The following ACAP2 variants were observed in gnomAD, a reference collection of about 807,000 sequenced individuals.
The protein encoded by ACAP2 is arf-GAP with coiled-coil, ANK repeat and PH domain-containing protein 2.
ACAP2 carries 39 observed loss-of-function variants against 115.8 expected under a neutral mutation model. The ratio of observed to expected loss-of-function variants is 0.34; its 90% CI spans 0.26 to 0.44. The LOEUF (loss-of-function observed/expected upper bound fraction) is 0.44, where lower values mean the gene tolerates loss of function less well. Among genes scored for constraint, ACAP2 ranks in the 20% least tolerant of loss-of-function variants. ACAP2 has a pLI of 1.00. For synonymous variants in ACAP2, 289 were observed against 315.8 expected, an observed-to-expected ratio of 0.92 and a Z score of 0.90; for missense variants, 662 against 927.6, an observed-to-expected ratio of 0.71 and a Z score of 3.72.
intron 1 of ACAP2, 91 bp downstream of exon 1, chr3:195,442,704 G>A (rs905358298): frequency 4.4e-6 from 6 of 1,359,932 alleles, no homozygotes; most frequent in Non-Finnish European, 5.0e-6. Flanking sequence ...AGCGGACGGC[G>A]GGGCCTCCTC....
chr3:195,296,530 T>TA (rs1269566001), intron 16 of ACAP2, among the ~76,000 whole-genome samples: 1 of 152,188 alleles, frequency 6.6e-6, no homozygotes, highest in African/African-American at 2.4e-5. Context: ...GATTCTGATT[T>TA]AAATGGTATT....
intron 2 of ACAP2, among the ~76,000 whole-genome samples, chr3:195,384,680 T>C (rs1028320152): frequency 2.6e-5 from 4 of 151,856 alleles, no homozygotes; most frequent in African/African-American, 9.7e-5. Flanking sequence ...TGAGCTGAGA[T>C]CATGCCACTG....
intron 4 of ACAP2, among the ~76,000 whole-genome samples, chr3:195,368,940 T>A (rs892567703): frequency 6.6e-6 from 1 of 152,084 alleles, no homozygotes; most frequent in Non-Finnish European, 1.5e-5. Flanking sequence ...AAAAATTAGC[T>A]GGGCATGGCG....
At chr3:195,410,764 T>C (rs140440138) in intron 1 of ACAP2, 2 of 153,750 alleles carry the variant, frequency 1.3e-5, no homozygotes, top group South Asian at 1.9e-4. Flanking sequence ...TTGATCTCCA[T>C]TGTCACAGTA....
chr3:195,441,677 T>C (rs1313472940), intron 1 of ACAP2: 3 of 152,266 alleles, frequency 2.0e-5, no homozygotes, highest in African/African-American at 7.2e-5. Context: ...CACACGCCAG[T>C]GCTCAGAGGA....
At chr3:195,284,492 C>T (rs1726717386) in intron 22 of ACAP2, among the ~76,000 whole-genome samples, 1 of 152,156 alleles carries the variant, frequency 6.6e-6, no homozygotes, top group African/African-American at 2.4e-5. Flanking sequence ...CCATAGGATT[C>T]AAGTGGGACA....
At chr3:195,416,521 T>C (rs1023854152) in intron 1 of ACAP2, among the ~76,000 whole-genome samples, 7 of 152,130 alleles carry the variant, frequency 4.6e-5, no homozygotes, top group African/African-American at 1.7e-4. Flanking sequence ...TGTATACTGA[T>C]ATAACACCTT....
intron 5 of ACAP2, among the ~76,000 whole-genome samples, chr3:195,344,026 T>C (rs13072826): frequency 0.46 from 70,233 of 151,944 alleles, 17,714 homozygotes; most frequent in Middle Eastern, 0.68. Flanking sequence ...CTCAGCAACA[T>C]AGTGAGACTT....
chr3:195,381,836 T>A (rs1282180241), intron 3 of ACAP2, 67 bp downstream of exon 3: 19 of 1,525,816 alleles, frequency 1.2e-5, no homozygotes, highest in Non-Finnish European at 1.7e-5. Context: ...GGTAGATGAA[T>A]GCACAATTCT....
intron 4 of ACAP2, among the ~76,000 whole-genome samples, chr3:195,354,114 T>C (rs1731793589): frequency 6.6e-6 from 1 of 152,230 alleles, no homozygotes; most frequent in Admixed American, 6.5e-5. Context: ...GTTCCTGTGT[T>C]AGTCTGCTAA....
At chr3:195,388,233 T>G (rs536403212) in intron 2 of ACAP2, among the ~76,000 whole-genome samples, 7 of 152,118 alleles carry the variant, frequency 4.6e-5, no homozygotes, top group Admixed American at 3.3e-4. Context: ...CAAGAAACAA[T>G]GCAACAGAAG....
intron 1 of ACAP2, among the ~76,000 whole-genome samples, chr3:195,415,414 C>G (rs945937575): frequency 1.3e-5 from 2 of 151,712 alleles, no homozygotes; most frequent in African/African-American, 4.8e-5. Context: ...GTAACTGGGA[C>G]TACGGGCGTG....
chr3:195,442,886 G>A lies in ACAP2; in HGVS notation c.-39C>T. Reference sequence around the variant, plus strand: ...CGCAGGCGGCGCTGGCAAAGCCGAGGGGGCCGCGGGAGCGGCCGCGCTGGG... The same window carrying A: ...CGCAGGCGGCGCTGGCAAAGCCGAGAGGGCCGCGGGAGCGGCCGCGCTGGG... On this transcript the variant is annotated 5_prime_UTR_variant, in exon 1 of 23. Coordinates refer to ENST00000326793, the MANE Select transcript of ACAP2 (RefSeq NM_012287.6). 3.3e-6 allele frequency: 5 copies of A among 1,497,484 alleles called. No individual in the cohort carries two copies. Among genetic ancestry groups the A allele is most frequent in the Non-Finnish European group, 4.4e-6 (5 of 1,124,728 alleles). The allele number at this position is 1,497,484 out of a possible 1,614,324, so 92.8% of individuals were successfully genotyped here. A position where few individuals can be genotyped will look rare whatever the true frequency, so the allele number is the denominator to read the frequency against.
chr3:195,294,873 C>T, intron 17 of ACAP2, 62 bp from the exon 18 acceptor site: 4 of 1,092,964 alleles, frequency 3.7e-6, no homozygotes, highest in South Asian at 1.3e-5. Context: ...CAATCTCCCA[C>T]AAACAAGGTT....
At chr3:195,302,467 T>C (rs1212999873) in intron 13 of ACAP2, among the ~76,000 whole-genome samples, 1 of 152,166 alleles carries the variant, frequency 6.6e-6, no homozygotes, top group Non-Finnish European at 1.5e-5. Context: ...TAGTCTAACA[T>C]GCAGGGTGGA....
intron 19 of ACAP2, 58 bp from the exon 20 acceptor site, chr3:195,291,873 C>T (rs1248396642): frequency 7.7e-6 from 11 of 1,424,726 alleles, no homozygotes; most frequent in Non-Finnish European, 1.0e-5. Context: ...AACAACAATA[C>T]ATTTCTTTTT....
chr3:195,412,250 T>C (rs1713335995), intron 1 of ACAP2, among the ~76,000 whole-genome samples: 1 of 150,004 alleles, frequency 6.7e-6, no homozygotes, highest in Non-Finnish European at 1.5e-5. Flanking sequence ...AATTGGCTTA[T>C]ACTATACTCT....
At chr3:195,283,776 A>G (rs1726659630) in intron 22 of ACAP2, among the ~76,000 whole-genome samples, 1 of 152,184 alleles carries the variant, frequency 6.6e-6, no homozygotes, top group African/African-American at 2.4e-5. Flanking sequence ...CCTCAAATAA[A>G]TCAGAAATAT....
intron 9 of ACAP2, among the ~76,000 whole-genome samples, chr3:195,322,975 C>T (rs1179217101): frequency 1.3e-5 from 2 of 152,130 alleles, no homozygotes; most frequent in Non-Finnish European, 2.9e-5. Context: ...CTTAAATACA[C>T]TGATGACCTG....
Sources: gnomAD v4.1 joint callset for allele counts (sites outside exome capture counted in the v4.1 genomes callset) on GRCh38, gnomAD v4.1.1 for gene constraint, MANE v1.5 for transcripts, NCBI Gene and HGNC (gene_info 2026-07-23, HGNC 2026-07-21) for gene names.